Variants in ADAMTS17 observed in about 807,000 individuals in gnomAD.
The protein encoded by ADAMTS17 is A disintegrin and metalloproteinase with thrombospondin motifs 17.
A neutral mutation model predicts 141.5 loss-of-function variants in ADAMTS17; 113 were observed. The observed-to-expected ratio is 0.80, with a 90% CI of 0.69 to 0.93. The LOEUF (loss-of-function observed/expected upper bound fraction) is 0.93, where lower values mean the gene tolerates loss of function less well. Ranked by LOEUF, ADAMTS17 falls within the 40% of genes least tolerant of loss-of-function variation. The pLI, the probability that ADAMTS17 is intolerant of heterozygous loss-of-function variation, is 0.00. For missense variants in ADAMTS17, 1,659 were observed against 1,517.9 expected (o/e 1.09, Z -1.54); for synonymous variants, 768 against 630.6 (o/e 1.22, Z -3.27).
intron 13 of ADAMTS17, among the ~76,000 whole-genome samples, chr15:100,111,122 G>A (rs1471142004): frequency 6.6e-6 from 1 of 152,166 alleles, no homozygotes; most frequent in African/African-American, 2.4e-5. Flanking sequence ...GAGTAATGAT[G>A]CCTCACCATG....
rs914042681 is a variant in ADAMTS17, at chr15:100,143,644, G to T, written c.1473+8968C>A. Reference sequence around the variant, plus strand: ...TTCATATTTCCATAGACAGCTTTGAGCCTTACAATACTAGCATTCTGCAGA... The same window carrying T: ...TTCATATTTCCATAGACAGCTTTGATCCTTACAATACTAGCATTCTGCAGA... On this transcript the variant is annotated intron_variant, in intron 10 of 21. Coordinates refer to ENST00000268070, the MANE Select transcript of ADAMTS17 (RefSeq NM_139057.4). Among the ~76,000 whole-genome samples the T allele has an allele frequency of 2.0e-5, 3 of 152,158 alleles. No homozygotes were observed. In the East Asian group the frequency reaches 5.8e-4, roughly 29 times the overall value.
intron 7 of ADAMTS17, among the ~76,000 whole-genome samples, chr15:100,247,758 C>T (rs1225402770): frequency 6.6e-6 from 1 of 152,156 alleles, no homozygotes; most frequent in Non-Finnish European, 1.5e-5. Context: ...CACACCCACT[C>T]CCCCTCACCT....
At chr15:100,114,295 C>T (rs940722344) in intron 13 of ADAMTS17, among the ~76,000 whole-genome samples, 3 of 152,002 alleles carry the variant, frequency 2.0e-5, no homozygotes, top group African/African-American at 7.3e-5. Context: ...TCATAATGGG[C>T]TTCAGAAGAG....
chr15:100,332,153 C>G (rs1237279682), intron 2 of ADAMTS17, among the ~76,000 whole-genome samples: 2 of 152,204 alleles, frequency 1.3e-5, no homozygotes, highest in Non-Finnish European at 2.9e-5. Flanking sequence ...CCAAGAAAAA[C>G]TCAAAGATTT....
chr15:100,238,105 C>T (rs1280861092), intron 7 of ADAMTS17, among the ~76,000 whole-genome samples: 1 of 152,200 alleles, frequency 6.6e-6, no homozygotes, highest in Non-Finnish European at 1.5e-5. Context: ...GGGACCCTGC[C>T]TTTGCTCACA....
intron 3 of ADAMTS17, among the ~76,000 whole-genome samples, chr15:100,311,452 C>T (rs2045402583): frequency 6.6e-6 from 1 of 152,212 alleles, no homozygotes; most frequent in Non-Finnish European, 1.5e-5. Flanking sequence ...AGCCAGTGTG[C>T]ACTTTAAATA....
chr15:100,225,731 T>C (rs2042282349), intron 7 of ADAMTS17, among the ~76,000 whole-genome samples: 1 of 150,136 alleles, frequency 6.7e-6, no homozygotes, highest in South Asian at 2.1e-4. Context: ...TCATGGTCTC[T>C]GTGCCATTCA....
chr15:100,260,571 G>A (rs764651931), intron 6 of ADAMTS17, among the ~76,000 whole-genome samples: 12 of 151,330 alleles, frequency 7.9e-5, no homozygotes, highest in South Asian at 2.1e-4. Flanking sequence ...CCAGGATTGC[G>A]TCATACTGCA....
Position 100,010,184 on chromosome 15 carries a change from C to T in ADAMTS17, c.2592-12595G>A, listed in dbSNP as rs76499438. On this transcript the variant is annotated intron_variant, in intron 18 of 21. Transcript: ENST00000268070. ...AGGCCTCCCCTGCCACGTGCAACTG[C>T]GAGTCCATTAAACCTCTTTCCTTTA... 5.8e-3 allele frequency among the ~76,000 whole-genome samples: 881 copies of T among 152,328 alleles called. 6 individuals carry two copies. The highest frequency in any genetic ancestry group is 0.02 in the African/African-American group (832 of 41,566).
chr15:100,114,427 A>G (rs2036985262), intron 13 of ADAMTS17, among the ~76,000 whole-genome samples: 1 of 152,108 alleles, frequency 6.6e-6, no homozygotes, highest in African/African-American at 2.4e-5. Flanking sequence ...TAAATTGGCC[A>G]TCTATTATTT....
At chr15:100,091,283 A>G (rs2035455329) in intron 15 of ADAMTS17, among the ~76,000 whole-genome samples, 1 of 152,150 alleles carries the variant, frequency 6.6e-6, no homozygotes, top group East Asian at 1.9e-4. Flanking sequence ...AGCATGAAGA[A>G]TAATTATGAG....
chr15:100,134,019 G>A (rs1222383078), intron 10 of ADAMTS17, among the ~76,000 whole-genome samples: 1 of 152,230 alleles, frequency 6.6e-6, no homozygotes, highest in Non-Finnish European at 1.5e-5. Flanking sequence ...GTATCATTAG[G>A]AAATCTGGGC....
At chr15:100,307,670 T>C (rs1270678369) in intron 3 of ADAMTS17, among the ~76,000 whole-genome samples, 3 of 152,256 alleles carry the variant, frequency 2.0e-5, no homozygotes, top group African/African-American at 7.2e-5. Flanking sequence ...GCCGTTTTAC[T>C]GTGATGAAAA....
intron 15 of ADAMTS17, among the ~76,000 whole-genome samples, chr15:100,058,242 TG>T (rs1567101780): frequency 3.3e-5 from 1 of 29,960 alleles, no homozygotes; most frequent in Non-Finnish European, 8.3e-5. Flanking sequence ...ATCCCAGCTC[TG>T]ACCCTCCTAT....
intron 8 of ADAMTS17, among the ~76,000 whole-genome samples, chr15:100,174,777 T>C (rs1326980323): frequency 6.6e-6 from 1 of 152,202 alleles, no homozygotes; most frequent in Non-Finnish European, 1.5e-5. Context: ...GGATGGAATG[T>C]GGTTTCAAGC....
intron 7 of ADAMTS17, among the ~76,000 whole-genome samples, chr15:100,243,945 G>A (rs2042908601): frequency 6.6e-6 from 1 of 152,030 alleles, no homozygotes; most frequent in Admixed American, 6.5e-5. Context: ...AACAGAGCAG[G>A]GGATATTAGG....
chr15:100,260,730 T>C (rs994639061), intron 6 of ADAMTS17, among the ~76,000 whole-genome samples: 8 of 152,170 alleles, frequency 5.3e-5, no homozygotes, highest in African/African-American at 1.9e-4. Flanking sequence ...CAACTTTACT[T>C]CCAAATTCAC....
intron 18 of ADAMTS17, among the ~76,000 whole-genome samples, chr15:100,032,416 G>C (rs898976426): frequency 2.0e-4 from 30 of 152,160 alleles, no homozygotes; most frequent in Admixed American, 2.0e-3. Flanking sequence ...TATGGGTGCA[G>C]ATAACACTAA....
intron 3 of ADAMTS17, among the ~76,000 whole-genome samples, chr15:100,309,602 A>C (rs921729944): frequency 6.6e-6 from 1 of 152,216 alleles, no homozygotes; most frequent in Non-Finnish European, 1.5e-5. Context: ...TCTGAAGCCT[A>C]CAACGTGCCA....
Sources: allele counts gnomAD v4.1 joint callset (sites outside exome capture counted in the v4.1 genomes callset), GRCh38; gene constraint gnomAD v4.1.1; transcripts MANE v1.5; gene names NCBI Gene and HGNC (gene_info 2026-07-23, HGNC 2026-07-21).